The following PMM2 variants were observed in gnomAD, a reference collection of about 807,000 sequenced individuals.
The protein encoded by PMM2 is phosphomannomutase 2, also known as mannose-6-phosphate isomerase.
A neutral mutation model predicts 33.2 loss-of-function variants in PMM2; 35 were observed. That is an observed-to-expected ratio of 1.06 (90% CI 0.81 to 1.40). The LOEUF is 1.40. Ranked by LOEUF, PMM2 falls within the 40% of genes most tolerant of loss-of-function variation. PMM2 has a pLI of 0.00. For synonymous variants in PMM2, 153 were observed against 114.7 expected (o/e 1.33, Z -2.13); for missense variants, 386 against 306.0 (o/e 1.26, Z -1.95).
chr16:8,817,906 A>AT (rs3034279), intron 7 of PMM2, among the ~76,000 whole-genome samples: 73,606 of 142,530 alleles, frequency 0.52, 19,254 homozygotes, highest in South Asian at 0.6. Flanking sequence ...TGCAAAGAAG[A>AT]TTTTTTTTTT....
At chr16:8,802,309 C>G in intron 2 of PMM2, 1 of 455,682 alleles carries the variant, frequency 2.2e-6, no homozygotes, top group Middle Eastern at 3.2e-4. Flanking sequence ...CACAGGACCC[C>G]GAAAAACCAG....
At chr16:8,821,683 C>T (rs192509124) in intron 7 of PMM2, among the ~76,000 whole-genome samples, 1 of 152,246 alleles carries the variant, frequency 6.6e-6, no homozygotes, top group Admixed American at 6.5e-5. Context: ...CCAAGGGTCA[C>T]TCGCCCTAGG....
At chr16:8,802,355 T>C (rs752003548) in intron 2 of PMM2, 2 of 453,948 alleles carry the variant, frequency 4.4e-6, no homozygotes, top group South Asian at 3.1e-5. Flanking sequence ...AGAGTCTGAC[T>C]TGATAGGTCT....
At chr16:8,813,228 T>A (rs2060687961) in intron 7 of PMM2, 122 bp downstream of exon 7, 1 of 752,364 alleles carries the variant, frequency 1.3e-6, no homozygotes, top group Middle Eastern at 2.3e-4. Flanking sequence ...AACTGAGCAG[T>A]GGCTTCTGTC....
In PMM2 at chr16:8,800,276, G is replaced by A. The variant is rs774438275; in HGVS notation, c.67-1523G>A. Among the ~76,000 whole-genome samples, 12 of 151,144 alleles carry A rather than the reference G, an allele frequency of 7.9e-5. No homozygotes were observed. In the East Asian group the frequency reaches 1.8e-3, roughly 22 times the overall value. On this transcript the variant is annotated intron_variant, in intron 1 of 7. Coordinates refer to ENST00000268261, the MANE Select transcript of PMM2 (RefSeq NM_000303.3). ...CCTGGGAGGCTGAGACAGGAGAATC[G>A]CTTGAACCCAGGAAGTGGAGGTTGC... is the stretch of plus-strand genomic sequence containing the variant.
chr16:8,831,681 G>A (rs2060810725), intron 7 of PMM2, among the ~76,000 whole-genome samples: 1 of 152,194 alleles, frequency 6.6e-6, no homozygotes, highest in African/African-American at 2.4e-5. Flanking sequence ...GGATGATTGG[G>A]GTTCACTGCT....
intron 7 of PMM2, among the ~76,000 whole-genome samples, chr16:8,831,339 T>A (rs1429231168): frequency 1.3e-5 from 2 of 152,106 alleles, no homozygotes; most frequent in Non-Finnish European, 2.9e-5. Flanking sequence ...CCTAGAAATT[T>A]GATAAATACT....
At chr16:8,827,953 ATT>A (rs2060787215) in intron 7 of PMM2, among the ~76,000 whole-genome samples, 2 of 111,740 alleles carry the variant, frequency 1.8e-5, no homozygotes, top group Non-Finnish European at 3.5e-5. Flanking sequence ...AAATATATAT[ATT>A]TATAAATTTA....
At chr16:8,806,624 G>A in intron 4 of PMM2, 1 of 591,154 alleles carries the variant, frequency 1.7e-6, no homozygotes, top group South Asian at 1.9e-5. Context: ...GGTGCTGCTG[G>A]TTCACAGCAG....
intron 4 of PMM2, chr16:8,806,748 G>A (rs1218185609): frequency 9.1e-6 from 3 of 329,574 alleles, no homozygotes; most frequent in Admixed American, 4.4e-5. Context: ...CGTAAATGAT[G>A]GCTTATCCAC....
Position 8,797,906 on chromosome 16 carries a change from C to T in PMM2, c.24C>T (p.Leu8=), listed in dbSNP as rs751757467. 1 of 1,611,422 alleles carries T rather than the reference C, an allele frequency of 6.2e-7. No individual in the cohort carries two copies. Among genetic ancestry groups the T allele is most frequent in the Non-Finnish European group, 8.5e-7 (1 of 1,179,182 alleles). Reference sequence around the variant, plus strand: ...ACATGGCAGCGCCTGGCCCAGCGCTCTGCCTCTTCGACGTGGATGGGACCC... The same window carrying T: ...ACATGGCAGCGCCTGGCCCAGCGCTTTGCCTCTTCGACGTGGATGGGACCC... MAAPGPA[L]CLFDVDGTLT... is the part of the protein sequence containing the mutation. Residue 8 remains leucine (L), a synonymous_variant, in exon 1 of 8, where the codon CTC becomes CTT. Coordinates refer to ENST00000268261, the MANE Select transcript of PMM2 (RefSeq NM_000303.3).
At chr16:8,825,513 G>C (rs1048223811) in intron 7 of PMM2, among the ~76,000 whole-genome samples, 1 of 151,818 alleles carries the variant, frequency 6.6e-6, no homozygotes, top group South Asian at 2.1e-4. Context: ...TAGAGACTGG[G>C]TTTCGCCATG....
At chr16:8,804,233 G>A (rs1305579867) in intron 2 of PMM2, among the ~76,000 whole-genome samples, 1 of 151,332 alleles carries the variant, frequency 6.6e-6, no homozygotes, top group Non-Finnish European at 1.5e-5. Flanking sequence ...AGAGACGGGG[G>A]TTTCACTATG....
At chr16:8,837,010 G>A (rs1257205417) in intron 7 of PMM2, among the ~76,000 whole-genome samples, 1 of 152,056 alleles carries the variant, frequency 6.6e-6, no homozygotes, top group Non-Finnish European at 1.5e-5. Context: ...AAGGATTATA[G>A]GGTGGAGGAG....
At chr16:8,846,700 T>C (rs944632713) in intron 7 of PMM2, among the ~76,000 whole-genome samples, 6 of 152,140 alleles carry the variant, frequency 3.9e-5, no homozygotes, top group Non-Finnish European at 8.8e-5. Flanking sequence ...CTCCTGAACT[T>C]CTGGCCACAG....
chr16:8,811,404 C>T (rs778238260), intron 5 of PMM2, among the ~76,000 whole-genome samples: 11 of 152,192 alleles, frequency 7.2e-5, no homozygotes, highest in East Asian at 1.9e-4. Flanking sequence ...CCTGTGGTCC[C>T]GGCTATTTGT....
intron 1 of PMM2, among the ~76,000 whole-genome samples, chr16:8,800,219 A>G (rs924527720): frequency 1.3e-5 from 2 of 152,076 alleles, no homozygotes; most frequent in African/African-American, 4.8e-5. Context: ...AGATTAGCCG[A>G]GCATGATGGC....
chr16:8,801,881 A>T lies in PMM2; in HGVS notation c.149A>T (p.Glu50Val), dbSNP rs182336960. The change falls in exon 2 of 8, where the codon GAG (glutamate) becomes GTG (valine). Residue 50 changes from glutamate (E) to valine (V), a missense_variant. Glu to Val is a moderately radical substitution (Grantham distance 121, BLOSUM62 -2). Coordinates refer to ENST00000268261, the MANE Select transcript of PMM2 (RefSeq NM_000303.3). ...GGAGTGGTAGGCGGATCGGACTTTG[A>T]GAAAGTGCAGGAGCAACTGGGAAAT... The part of the protein sequence containing the change: ...KIGVVGGSDF[E>V]KVQEQLGNDV... The T allele has an allele frequency of 2.4e-5, 38 of 1,611,088 alleles. No individual in the cohort carries two copies. The Admixed American group carries it at 6.2e-4, about 26-fold the overall frequency.
intron 7 of PMM2, among the ~76,000 whole-genome samples, chr16:8,839,359 AG>A (rs1298732866): frequency 6.6e-6 from 1 of 151,964 alleles, no homozygotes; most frequent in Non-Finnish European, 1.5e-5. Context: ...GAGTGCTGCA[AG>A]GGGTGTCTTG....
Sources: allele counts gnomAD v4.1 joint callset (sites outside exome capture counted in the v4.1 genomes callset), GRCh38; gene constraint gnomAD v4.1.1; transcripts MANE v1.5; gene names NCBI Gene and HGNC (gene_info 2026-07-23, HGNC 2026-07-21).